Variants in XPNPEP1 observed in about 807,000 individuals in gnomAD.
XPNPEP1 encodes the protein xaa-Pro aminopeptidase 1.
XPNPEP1 carries 39 observed loss-of-function variants against 92.4 expected under a neutral mutation model. The ratio of observed to expected loss-of-function variants is 0.42; its 90% CI spans 0.33 to 0.55. The LOEUF (loss-of-function observed/expected upper bound fraction) is 0.55. Among genes scored for constraint, XPNPEP1 ranks in the 20% least tolerant of loss-of-function variants. The pLI, the probability that XPNPEP1 is intolerant of heterozygous loss-of-function variation, is 0.08. For missense variants in XPNPEP1, 654 were observed against 856.1 expected, an observed-to-expected ratio of 0.76 and a Z score of 2.95; for synonymous variants, 307 against 299.4, an observed-to-expected ratio of 1.03 and a Z score of -0.26.
At chr10:109,903,653 G>T (rs1252979150) in intron 3 of XPNPEP1, among the ~76,000 whole-genome samples, 1 of 152,128 alleles carries the variant, frequency 6.6e-6, no homozygotes, top group Non-Finnish European at 1.5e-5. Context: ...CATCAGAGGG[G>T]CCCAAAGAAA....
At chr10:109,905,926 C>T (rs1251713073) in intron 3 of XPNPEP1, among the ~76,000 whole-genome samples, 3 of 152,162 alleles carry the variant, frequency 2.0e-5, no homozygotes, top group Non-Finnish European at 4.4e-5. Flanking sequence ...ATTTCAAGCC[C>T]TTCATTTGCT....
Position 109,918,149 on chromosome 10 carries a change from C to T in XPNPEP1, c.33-3050G>A, listed in dbSNP as rs570240063. On this transcript the variant is annotated intron_variant, in intron 1 of 20. Transcript: ENST00000502935. ...ACAAAAAAACAAAAAAGCCCAGGCACAATGACTCACATCTGTAATCCCAGC... is the reference window on the plus strand; with the variant it reads ...ACAAAAAAACAAAAAAGCCCAGGCATAATGACTCACATCTGTAATCCCAGC... Among the ~76,000 whole-genome samples, 12 of 152,046 alleles carry T rather than the reference C, an allele frequency of 7.9e-5. No homozygotes were observed. In the East Asian group the frequency reaches 2.3e-3, roughly 29 times the overall value.
chr10:109,923,255 G>C, intron 1 of XPNPEP1, 147 bp downstream of exon 1: 2 of 1,182,934 alleles, frequency 1.7e-6, no homozygotes, highest in East Asian at 3.9e-5. Context: ...CTCCTGTTCC[G>C]GGGCTCCGGC....
intron 5 of XPNPEP1, among the ~76,000 whole-genome samples, chr10:109,890,550 T>TTGTGTGTGTGTG (rs768880431): frequency 6.8e-5 from 7 of 103,078 alleles, no homozygotes; most frequent in African/African-American, 2.1e-4. Flanking sequence ...ATGCCTGCCT[T>TTGTGTGTGTGTG]TGTGTGTGTG....
chr10:109,893,160 C>T (rs139780847), intron 3 of XPNPEP1, 85 bp from the exon 4 acceptor site: 154 of 1,320,748 alleles, frequency 1.2e-4, no homozygotes, highest in African/African-American at 1.1e-3. Context: ...CTAGGCTCAG[C>T]GGGGACTATG....
chr10:109,892,107 G>A (rs558552182), intron 4 of XPNPEP1, among the ~76,000 whole-genome samples: 1 of 152,302 alleles, frequency 6.6e-6, no homozygotes, highest in African/African-American at 2.4e-5. Context: ...CAAGAACAGA[G>A]AATGGAGAAC....
At chr10:109,873,240 C>T in intron 16 of XPNPEP1, 127 bp downstream of exon 16, 2 of 1,091,294 alleles carry the variant, frequency 1.8e-6, no homozygotes, top group Non-Finnish European at 2.7e-6. Flanking sequence ...AGCCTGACTC[C>T]ACAGCAAGGA....
chr10:109,874,091 T>A (rs1012492611), intron 15 of XPNPEP1, among the ~76,000 whole-genome samples: 3 of 152,168 alleles, frequency 2.0e-5, no homozygotes, highest in African/African-American at 7.2e-5. Context: ...ATAAAAAAAA[T>A]TAATTGTATA....
chr10:109,886,236 G>C lies in XPNPEP1; in HGVS notation c.748+10C>G, dbSNP rs763053671. 3.7e-6 allele frequency: 6 copies of C among 1,613,776 alleles called. No homozygotes were observed. Among genetic ancestry groups the C allele is most frequent in the Non-Finnish European group, 5.1e-6 (6 of 1,179,832 alleles). On this transcript the variant is annotated intron_variant, in intron 8 of 20. Coordinates refer to ENST00000502935, the MANE Select transcript of XPNPEP1 (RefSeq NM_020383.4). ...GTAACATGCCCAAACAGCGAAACCA[G>C]AGCACTCACACGCAATCTCATCCAA...
intron 16 of XPNPEP1, 110 bp downstream of exon 16, chr10:109,873,257 T>A: frequency 7.6e-7 from 1 of 1,308,118 alleles, no homozygotes; most frequent in Non-Finnish European, 1.1e-6. Context: ...AGGAGCAATT[T>A]TACTACCCCA....
At chr10:109,891,528 C>T (rs913706101) in intron 5 of XPNPEP1, 194 bp downstream of exon 5, 3 of 443,608 alleles carry the variant, frequency 6.8e-6, no homozygotes, top group Non-Finnish European at 7.9e-6. Context: ...TATCCTGAAC[C>T]AGCGTCCTCC....
chr10:109,910,235 A>T lies in XPNPEP1; in HGVS notation c.122-2420T>A, dbSNP rs571260347. 5.9e-5 allele frequency among the ~76,000 whole-genome samples: 9 copies of T among 152,274 alleles called. No individual in the cohort carries two copies. The East Asian group carries it at 1.7e-3, about 29-fold the overall frequency. On this transcript the variant is annotated intron_variant, in intron 2 of 20. Transcript: ENST00000502935. ...TACAATACATAGCTTTTCCAGATTG[A>T]TTTCTTTCACTTAAGAATATGCATT...
At chr10:109,905,105 T>C (rs1849486812) in intron 3 of XPNPEP1, among the ~76,000 whole-genome samples, 1 of 152,178 alleles carries the variant, frequency 6.6e-6, no homozygotes, top group African/African-American at 2.4e-5. Context: ...TCCTGTCATA[T>C]GTTACAACAT....
chr10:109,885,377 A>C (rs1848333302), intron 8 of XPNPEP1, among the ~76,000 whole-genome samples: 1 of 152,222 alleles, frequency 6.6e-6, no homozygotes. Context: ...CAGAATTTAT[A>C]CGTGATTTTT....
chr10:109,873,296 C>T (rs1847587143), intron 16 of XPNPEP1, 71 bp downstream of exon 16: 5 of 1,576,096 alleles, frequency 3.2e-6, no homozygotes, highest in Non-Finnish European at 4.4e-6. Flanking sequence ...TTATACAATC[C>T]CTTTTCATAA....
At chr10:109,898,020 G>A (rs967847772) in intron 3 of XPNPEP1, among the ~76,000 whole-genome samples, 1 of 152,152 alleles carries the variant, frequency 6.6e-6, no homozygotes, top group African/African-American at 2.4e-5. Context: ...CTTTTGTACA[G>A]AAGTTGTACA....
At chr10:109,877,043 C>G (rs550480329) in intron 14 of XPNPEP1, 1 of 152,346 alleles carries the variant, frequency 6.6e-6, no homozygotes, top group South Asian at 2.1e-4. Flanking sequence ...GATTATCTCT[C>G]CACCCAAAAC....
At chr10:109,887,997 A>G in intron 7 of XPNPEP1, 52 bp downstream of exon 7, 1 of 1,601,200 alleles carries the variant, frequency 6.2e-7, no homozygotes, top group Non-Finnish European at 8.5e-7. Flanking sequence ...CAATAGCAAG[A>G]GGTGGGGGGA....
At chr10:109,878,667 C>T (rs565386994) in intron 12 of XPNPEP1, among the ~76,000 whole-genome samples, 28 of 152,146 alleles carry the variant, frequency 1.8e-4, no homozygotes, top group Middle Eastern at 3.4e-3. Flanking sequence ...ATAGGTGGAT[C>T]GCTTGAGCCC....
Sources: allele counts gnomAD v4.1 joint callset (sites outside exome capture counted in the v4.1 genomes callset), GRCh38; gene constraint gnomAD v4.1.1; transcripts MANE v1.5; gene names NCBI Gene and HGNC (gene_info 2026-07-23, HGNC 2026-07-21).